The following TP53I13 variants were observed in gnomAD, a reference collection of about 807,000 sequenced individuals.
TP53I13 encodes the protein tumor protein p53-inducible protein 13.
Under a neutral mutation model 39.1 loss-of-function variants are expected in TP53I13, and 27 were observed. That is an observed-to-expected ratio of 0.69 (90% CI 0.51 to 0.95). The LOEUF is 0.95. TP53I13 is among the 40% of genes least tolerant of loss of function. TP53I13 has a pLI of 0.00. For synonymous variants in TP53I13, 230 were observed against 224.6 expected (o/e 1.02, Z -0.22); for missense variants, 544 against 520.4 (o/e 1.05, Z -0.44).
rs768789893 is a variant in TP53I13, at chr17:29,568,874, A to T, written c.72+44A>T. ...GGGAAGGCCTCGGCCCGCGAGCTCA[A>T]AGCGCTTTGCCAAAAGTTCGTCCTG... On this transcript the variant is annotated intron_variant, in intron 1 of 6. Transcript: ENST00000301057. The surrounding 1 kb of genome is among the most constrained non-coding windows in gnomAD (Gnocchi z 4.5). The T allele has an allele frequency of 6.3e-7, 1 of 1,599,018 alleles. No homozygotes were observed. The highest frequency in any genetic ancestry group is 8.5e-7 in the Non-Finnish European group (1 of 1,178,500).
intron 2 of TP53I13, 41 bp downstream of exon 2, chr17:29,569,127 G>A (rs760765141): frequency 1.2e-4 from 183 of 1,556,060 alleles, no homozygotes; most frequent in Non-Finnish European, 1.6e-4. Context: ...GGATGTGAAA[G>A]GCTAGCCCAG....
the TP53I13 span, chr17:29,578,391 C>T: frequency 7.5e-6 from 12 of 1,607,590 alleles, no homozygotes; most frequent in African/African-American, 1.3e-5. Flanking sequence ...GAGAGGGGCC[C>T]AGATGTTGTC....
At chr17:29,574,998 A>G (rs2150821007), downstream of TP53I13, 1 of 1,481,082 alleles carries the variant, frequency 6.8e-7, no homozygotes, top group Non-Finnish European at 9.3e-7. Flanking sequence ...GTCTCCACCC[A>G]GGTAGCGATC....
chr17:29,576,582 C>T, downstream of TP53I13: 3 of 1,614,104 alleles, frequency 1.9e-6, no homozygotes, highest in South Asian at 1.1e-5. Context: ...TGAGCTGCTG[C>T]ACCTTTGCCT....
At chr17:29,566,962 G>C, upstream of TP53I13, 2 of 1,376,750 alleles carry the variant, frequency 1.5e-6, no homozygotes, top group African/African-American at 3.0e-5. Context: ...GCCCCACGGC[G>C]GCATGGCGAA....
At chr17:29,568,668 C>CGCGGGGGT (rs2032794620), upstream of TP53I13, 7 of 895,946 alleles carry the variant, frequency 7.8e-6, no homozygotes, top group African/African-American at 1.1e-4. The surrounding 1 kb of genome is among the most constrained non-coding windows in gnomAD (Gnocchi z 4.5). Context: ...GCGCGGGCGG[C>CGCGGGGGT]GCGGGGGCGC....
chr17:29,580,202 TA>T, the TP53I13 span, among the ~76,000 whole-genome samples: 1 of 152,206 alleles, frequency 6.6e-6, no homozygotes, highest in Non-Finnish European at 1.5e-5. Context: ...CCAAGAGCAG[TA>T]GCTGGCTCCG....
chr17:29,579,645 G>A, the TP53I13 span, among the ~76,000 whole-genome samples: 2,783 of 152,068 alleles, frequency 0.018, 41 homozygotes, highest in Non-Finnish European at 0.031. Flanking sequence ...GCTATGGTAG[G>A]AGGATCGTTT....
At position 29,568,808 on chromosome 17, in the gene TP53I13, C is replaced by G. The variant is rs1248729189; in HGVS notation, c.50C>G (p.Ala17Gly). 6.3e-7 allele frequency: 1 copy of G among 1,599,018 alleles called. No individual in the cohort carries two copies. The change falls in exon 1 of 7, where the codon GCG becomes GGG. Residue 17 changes from alanine to glycine, a missense_variant. Ala to Gly is a moderately conservative substitution (Grantham distance 60). Coordinates refer to ENST00000301057, the MANE Select transcript of TP53I13 (RefSeq NM_138349.4). The surrounding 1 kb of genome is among the most constrained non-coding windows in gnomAD (Gnocchi z 4.5). ...SPQLLLLAAL[A>G]RLLGPSEVMA... The stretch of plus-strand genomic sequence containing the variant: ...CAACTGCTTCTCCTGGCAGCCCTCG[C>G]GAGGCTCCTGGGTCCCAGCGAGGTA...
chr17:29,576,882 G>A, downstream of TP53I13: 1 of 1,575,008 alleles, frequency 6.3e-7, no homozygotes, highest in Non-Finnish European at 8.6e-7. Flanking sequence ...GTTGCTCCGA[G>A]TGGCGCCGGT....
chr17:29,576,013 G>C, downstream of TP53I13: 1 of 1,575,816 alleles, frequency 6.3e-7, no homozygotes, highest in Non-Finnish European at 8.7e-7. Flanking sequence ...ATTCAGCACA[G>C]AGCCCAGAAC....
At chr17:29,566,736 C>T, upstream of TP53I13, 3 of 1,560,278 alleles carry the variant, frequency 1.9e-6, no homozygotes, top group Non-Finnish European at 2.6e-6. Flanking sequence ...GGGCCAGGGC[C>T]GACGGCTTGC....
Position 29,568,751 on chromosome 17 carries a change from C to T in TP53I13, c.-8C>T, listed in dbSNP as rs775771495. On this transcript the variant is annotated 5_prime_UTR_variant, in exon 1 of 7. Coordinates refer to ENST00000301057, the MANE Select transcript of TP53I13 (RefSeq NM_138349.4). The surrounding 1 kb of genome is among the most constrained non-coding windows in gnomAD (Gnocchi z 4.5). ...CTGGGCGGCGGGCCGGGCCCGGGGC[C>T]GCTTGGAATGGCGCCTCCTCCGCCT... The T allele has an allele frequency of 1.3e-5, 20 of 1,569,202 alleles. No homozygotes were observed. Among genetic ancestry groups the T allele is most frequent in the Admixed American group, 1.7e-5 (1 of 57,308 alleles).
chr17:29,566,439 G>A (rs1157625343), upstream of TP53I13: 2 of 1,612,542 alleles, frequency 1.2e-6, no homozygotes, highest in Non-Finnish European at 1.7e-6. Context: ...GCAAGCAAAG[G>A]CCGAGCACGT....
rs2150809770 is a variant in TP53I13, at chr17:29,572,581, C to T, written c.953C>T (p.Thr318Ile). The change falls in exon 6 of 7, where the codon ACC (threonine) becomes ATC (isoleucine). Residue 318 changes from threonine to isoleucine, a missense_variant. Thr to Ile is a moderately conservative substitution (Grantham distance 89). Transcript: ENST00000301057. ...EEAAWAAMAL[T>I]FLLVLLTLAT... is the part of the protein sequence containing the mutation. ...GCCGCCTGGGCTGCCATGGCCCTGA[C>T]CTTCCTGCTGGTGCTGCTCACCCTG... 1 of 1,596,360 alleles carries T rather than the reference C, an allele frequency of 6.3e-7. No individual in the cohort carries two copies. Among genetic ancestry groups the T allele is most frequent in the Non-Finnish European group, 8.5e-7 (1 of 1,172,280 alleles).
Position 29,568,985 on chromosome 17 carries a change from C to G in TP53I13, c.73-33C>G, listed in dbSNP as rs1311413973. The stretch of plus-strand genomic sequence containing the variant: ...GAGAGAGGGCAGGGCCTCGCCGCGT[C>G]CAGCGCCCCAACTCTTCGCTTTGGA... On this transcript the variant is annotated intron_variant, in intron 1 of 6. Coordinates refer to ENST00000301057, the MANE Select transcript of TP53I13 (RefSeq NM_138349.4). The surrounding 1 kb of genome is among the most constrained non-coding windows in gnomAD (Gnocchi z 4.5). The G allele has an allele frequency of 1.3e-6, 2 of 1,597,716 alleles. No individual in the cohort carries two copies. Among genetic ancestry groups the G allele is most frequent in the South Asian group, 1.1e-5 (1 of 89,074 alleles).
chr17:29,571,756 C>T (rs1160978159), intron 4 of TP53I13, 37 bp downstream of exon 4: 2 of 1,613,906 alleles, frequency 1.2e-6, no homozygotes, highest in Middle Eastern at 1.6e-4. Context: ...CTGGCCCTGG[C>T]AGAAGGCTAT....
chr17:29,577,781 C>G, downstream of TP53I13: 1 of 1,309,558 alleles, frequency 7.6e-7, no homozygotes, highest in South Asian at 1.2e-5. Context: ...CCACGGTGGC[C>G]AGGCCCCCAA....
the TP53I13 span, chr17:29,582,237 G>A: frequency 1.1e-6 from 1 of 949,598 alleles, no homozygotes. Flanking sequence ...GGGACACCTA[G>A]CAGCTCCAAG....
Sources: allele counts gnomAD v4.1 joint callset (sites outside exome capture counted in the v4.1 genomes callset), GRCh38; gene constraint gnomAD v4.1.1; non-coding constraint Gnocchi (gnomAD v3.1); transcripts MANE v1.5; gene names NCBI Gene and HGNC (gene_info 2026-07-23, HGNC 2026-07-21).